Variants in ANKRD24 observed in about 807,000 individuals in gnomAD.
ANKRD24 encodes the protein ankyrin repeat domain 24.
Under a neutral mutation model 127.8 loss-of-function variants are expected in ANKRD24, and 109 were observed. The observed-to-expected ratio is 0.85, with a 90% CI of 0.73 to 1.00. The LOEUF is 1.00. ANKRD24 is among the 50% of genes least tolerant of loss of function. The probability of loss-of-function intolerance (pLI) is 0.00; values close to 1 mark genes in which losing one functional copy is unlikely to be tolerated. For missense variants in ANKRD24, 1,648 were observed against 1,570.2 expected (o/e 1.05, Z -0.84); for synonymous variants, 743 against 671.1 (o/e 1.11, Z -1.66).
At position 4,203,570 on chromosome 19, in the gene ANKRD24, A is replaced by G. The variant is rs546719983; in HGVS notation, c.466+644A>G. On this transcript the variant is annotated intron_variant, in intron 7 of 21. Coordinates refer to ENST00000318934, the MANE Select transcript of ANKRD24 (RefSeq NM_001393985.1). Reference sequence around the variant, plus strand: ...TGCTATGTTGCCCAGGCTGATCTCAAACTCCTGGGCTCAAATGATCCTCCC... The same window carrying G: ...TGCTATGTTGCCCAGGCTGATCTCAGACTCCTGGGCTCAAATGATCCTCCC... Among the ~76,000 whole-genome samples, 26 of 151,974 alleles carry G rather than the reference A, an allele frequency of 1.7e-4. No individual in the cohort carries two copies. The South Asian group carries it at 5.4e-3, about 32-fold the overall frequency.
At chr19:4,220,590 T>C (rs927365500) in intron 19 of ANKRD24, among the ~76,000 whole-genome samples, 1 of 152,214 alleles carries the variant, frequency 6.6e-6, no homozygotes, top group African/African-American at 2.4e-5. Flanking sequence ...AGTCTTGCTC[T>C]GTCACCCAGA....
chr19:4,218,252 C>T (rs971619360), intron 18 of ANKRD24, 89 bp downstream of exon 18: 2 of 1,208,204 alleles, frequency 1.7e-6, no homozygotes, highest in South Asian at 4.4e-5. Context: ...TGTTTTGAAC[C>T]CATCAGTTTT....
Position 4,209,226 on chromosome 19 carries a change from T to C in ANKRD24, c.870+425T>C, listed in dbSNP as rs1011663568. Among the ~76,000 whole-genome samples, 3 of 152,062 alleles carry C rather than the reference T, an allele frequency of 2.0e-5. No homozygotes were observed. In the East Asian group the frequency reaches 5.8e-4, roughly 29 times the overall value. On this transcript the variant is annotated intron_variant, in intron 11 of 21. Coordinates refer to ENST00000318934, the MANE Select transcript of ANKRD24 (RefSeq NM_001393985.1). ...CCTGGGTTCAAGCGATTCTCCTGCCTCAGCCTCCCTAGTAGCTGGGATTAC... is the reference window on the plus strand; with the variant it reads ...CCTGGGTTCAAGCGATTCTCCTGCCCCAGCCTCCCTAGTAGCTGGGATTAC...
At chr19:4,218,251 C>A in intron 18 of ANKRD24, 88 bp downstream of exon 18, 1 of 1,226,452 alleles carries the variant, frequency 8.2e-7, no homozygotes, top group South Asian at 2.1e-5. Context: ...GTGTTTTGAA[C>A]CCATCAGTTT....
chr19:4,185,368 G>T (rs1426585410), intron 1 of ANKRD24, among the ~76,000 whole-genome samples: 2 of 152,088 alleles, frequency 1.3e-5, no homozygotes, highest in African/African-American at 4.8e-5. Flanking sequence ...CCAGGTGAGT[G>T]CATAGGTGGT....
intron 1 of ANKRD24, among the ~76,000 whole-genome samples, chr19:4,183,702 T>C (rs1331038195): frequency 2.0e-5 from 3 of 151,880 alleles, no homozygotes; most frequent in Admixed American, 1.3e-4. Flanking sequence ...TCACCTGAGA[T>C]TGGGAGTTCG....
Position 4,216,529 on chromosome 19 carries a change from GC to G in ANKRD24, c.1390-15del, listed in dbSNP as rs757549498. The G allele has an allele frequency of 2.8e-5, 44 of 1,587,930 alleles. No homozygotes were observed. The highest frequency in any genetic ancestry group is 3.5e-5 in the Non-Finnish European group (41 of 1,166,044). ...TCACATCAACTCCTGCCAGACTCCT[GC>G]CCCCCACTCCACTCCCCAGATCCTG... is the stretch of plus-strand genomic sequence containing the variant. On this transcript the variant is annotated intron_variant, in intron 17 of 21. Coordinates refer to ENST00000318934, the MANE Select transcript of ANKRD24 (RefSeq NM_001393985.1).
At chr19:4,214,154 C>G (rs529710850) in intron 15 of ANKRD24, among the ~76,000 whole-genome samples, 1 of 151,658 alleles carries the variant, frequency 6.6e-6, no homozygotes, top group South Asian at 2.1e-4. Flanking sequence ...CAAATACATA[C>G]ACATGCAACA....
intron 7 of ANKRD24, among the ~76,000 whole-genome samples, chr19:4,205,871 G>T (rs964397047): frequency 6.6e-6 from 1 of 151,016 alleles, no homozygotes; most frequent in African/African-American, 2.4e-5. Context: ...GGTCGGGTGC[G>T]GTGGCTCACG....
In ANKRD24 at chr19:4,217,745, C is replaced by A; in HGVS notation, c.2585C>A (p.Ala862Asp). 7.7e-7 allele frequency: 1 copy of A among 1,299,344 alleles called. No individual in the cohort carries two copies. The highest frequency in any genetic ancestry group is 9.7e-7 in the Non-Finnish European group (1 of 1,027,980). The allele number at this position is 1,299,344 out of a possible 1,614,324, so 80.5% of individuals were successfully genotyped here. ...VLREQLATAR[A>D]TGEQQRTAAA... ...CGGGAGCAGCTGGCCACGGCCAGGGCCACGGGGGAGCAGCAGCGCACGGCG... is the reference window on the plus strand; with the variant it reads ...CGGGAGCAGCTGGCCACGGCCAGGGACACGGGGGAGCAGCAGCGCACGGCG... The change falls in exon 18 of 22, where the codon GCC becomes GAC. Residue 862 changes from alanine to aspartate, a missense_variant. Physicochemically the swap from Ala to Asp is moderately radical, Grantham distance 126 (BLOSUM62 -2). Coordinates refer to ENST00000318934, the MANE Select transcript of ANKRD24 (RefSeq NM_001393985.1).
At chr19:4,202,685 C>T (rs966292885) in intron 6 of ANKRD24, among the ~76,000 whole-genome samples, 184 bp from the exon 7 acceptor site, 1 of 152,186 alleles carries the variant, frequency 6.6e-6, no homozygotes, top group African/African-American at 2.4e-5. Context: ...TCCTCAAATT[C>T]TCAGCTGCTT....
chr19:4,184,805 T>C (rs1967962194), intron 1 of ANKRD24, among the ~76,000 whole-genome samples: 1 of 138,742 alleles, frequency 7.2e-6, no homozygotes, highest in South Asian at 2.3e-4. Flanking sequence ...GGCGAATAGG[T>C]GGATTGGTGG....
At position 4,208,954 on chromosome 19, in the gene ANKRD24, C is replaced by T. The variant is rs1024633145; in HGVS notation, c.870+153C>T. 6 of 631,430 alleles carry T rather than the reference C, an allele frequency of 9.5e-6. No individual in the cohort carries two copies. In the African/African-American group the frequency reaches 9.6e-5, roughly 10 times the overall value. 39.1% of individuals were successfully genotyped at this position (631,430 alleles called of 1,614,324 possible). A position where few individuals can be genotyped will look rare whatever the true frequency, so the allele number is the denominator to read the frequency against. On this transcript the variant is annotated intron_variant, in intron 11 of 21. Coordinates refer to ENST00000318934, the MANE Select transcript of ANKRD24 (RefSeq NM_001393985.1). ...TTCAGGGTATGCTGCCACCAAGTGGCGGCAGTGTGCTCAGCCTAACTCCCA... is the reference window on the plus strand; with the variant it reads ...TTCAGGGTATGCTGCCACCAAGTGGTGGCAGTGTGCTCAGCCTAACTCCCA...
rs1019103263 is a variant in ANKRD24 at position 4,218,091 on chromosome 19, C to T, written c.2931C>T (p.Asn977=). The change falls in exon 18 of 22, where the codon AAC becomes AAT. Residue 977 remains asparagine (N), a synonymous_variant. Coordinates refer to ENST00000318934, the MANE Select transcript of ANKRD24 (RefSeq NM_001393985.1). The part of the protein sequence containing the change: ...HERIVGTLQA[N]VAQLEGQLEE... ...GCATCGTGGGCACCCTGCAGGCCAACGTGGCCCAGCTGGAGGGGCAGCTGG... is the reference window on the plus strand; with the variant it reads ...GCATCGTGGGCACCCTGCAGGCCAATGTGGCCCAGCTGGAGGGGCAGCTGG... 2.6e-6 allele frequency: 4 copies of T among 1,546,434 alleles called. No individual in the cohort carries two copies. Among genetic ancestry groups the T allele is most frequent in the Middle Eastern group, 1.8e-4 (1 of 5,510 alleles).
At position 4,195,223 on chromosome 19, in the gene ANKRD24, C is replaced by T. The variant is rs866613632; in HGVS notation, c.37-4460C>T. On this transcript the variant is annotated intron_variant, in intron 2 of 21. Coordinates refer to ENST00000318934, the MANE Select transcript of ANKRD24 (RefSeq NM_001393985.1). This position sits in a 1 kb window ranked among gnomAD's most constrained non-coding sequence, Gnocchi z 4.2. ...GAGTAGCTGGGACTACAGGCGCCCA[C>T]CACCACGCCCGGCTAATTTTTTGTA... 2.4e-4 allele frequency among the ~76,000 whole-genome samples: 37 copies of T among 152,200 alleles called. 1 individual carries two copies. The highest frequency in any genetic ancestry group is 2.0e-4 in the Admixed American group (3 of 15,270).
At chr19:4,208,987 G>T in intron 11 of ANKRD24, 186 bp downstream of exon 11, 5 of 502,910 alleles carry the variant, frequency 9.9e-6, no homozygotes, top group African/African-American at 2.0e-5. Flanking sequence ...CCAGAACTGG[G>T]TGAGAATACT....
intron 9 of ANKRD24, 83 bp downstream of exon 9, chr19:4,207,690 G>A: frequency 1.3e-6 from 2 of 1,595,904 alleles, no homozygotes; most frequent in East Asian, 4.5e-5. Flanking sequence ...GATCTAGCCA[G>A]CCTCCTCTTC....
chr19:4,182,985 G>GTGTGTGTGTGTGTGTA (rs1967819985), intron 1 of ANKRD24, among the ~76,000 whole-genome samples: 1 of 151,470 alleles, frequency 6.6e-6, no homozygotes, highest in South Asian at 2.1e-4. Context: ...GTGTGTGTGT[G>GTGTGTGTGTGTGTGTA]TGTGTGTGTG....
Position 4,217,619 on chromosome 19 carries a change from C to A in ANKRD24, c.2459C>A (p.Ala820Asp). 7.8e-7 allele frequency: 1 copy of A among 1,289,340 alleles called. No individual in the cohort carries two copies. The highest frequency in any genetic ancestry group is 9.8e-7 in the Non-Finnish European group (1 of 1,022,088). The allele number at this position is 1,289,340 out of a possible 1,614,324, so 79.9% of individuals were successfully genotyped here. The change falls in exon 18 of 22, where the codon GCC becomes GAC. Residue 820 changes from alanine to aspartate, a missense_variant. Physicochemically the swap from Ala to Asp is moderately radical, Grantham distance 126. Transcript: ENST00000318934. The stretch of plus-strand genomic sequence containing the variant: ...TCGGCCTGCCTGGATGAGGCTCGGG[C>A]CAGCCGGCTGCTGGCGGAGGAGGAG... ...AASACLDEAR[A>D]SRLLAEEEAR...
Sources: gnomAD v4.1 joint callset for allele counts (sites outside exome capture counted in the v4.1 genomes callset) on GRCh38, gnomAD v4.1.1 for gene constraint, Gnocchi (gnomAD v3.1) non-coding constraint, MANE v1.5 for transcripts, NCBI Gene and HGNC (gene_info 2026-07-23, HGNC 2026-07-21) for gene names.